CRACD: variants seen among roughly 807,000 people sequenced by gnomAD.
CRACD encodes the protein capping protein-inhibiting regulator of actin dynamics.
A neutral mutation model predicts 106.8 loss-of-function variants in CRACD; 56 were observed. That is an observed-to-expected ratio of 0.52 (90% CI 0.42 to 0.66). The LOEUF is 0.66. Ranked by LOEUF, CRACD falls within the 30% of genes least tolerant of loss-of-function variation. CRACD has a pLI of 0.00. For missense variants in CRACD, 1,730 were observed against 1,623.2 expected (o/e 1.07, Z -1.13); for synonymous variants, 754 against 670.8 (o/e 1.12, Z -1.92).
chr4:56,074,816 G>GTGGGTT (rs1732781817), intron 1 of CRACD, among the ~76,000 whole-genome samples: 2 of 152,156 alleles, frequency 1.3e-5, no homozygotes. Flanking sequence ...GATATTGGTT[G>GTGGGTT]TGGGTTTGTC....
chr4:56,265,585 C>CTGAA (rs1418630860), intron 2 of CRACD, among the ~76,000 whole-genome samples: 10 of 152,154 alleles, frequency 6.6e-5, no homozygotes, highest in South Asian at 2.1e-4. Context: ...GCATCTGAGG[C>CTGAA]TGAAATTCCA....
intron 4 of CRACD, chr4:56,301,387 A>C (rs1744358493): frequency 5.2e-6 from 2 of 387,000 alleles, no homozygotes; most frequent in Non-Finnish European, 9.5e-6. Context: ...GGAATGAGAG[A>C]ATTTAGTTGT....
At chr4:56,214,683 A>C (rs538604267) in intron 2 of CRACD, among the ~76,000 whole-genome samples, 517 of 49,054 alleles carry the variant, frequency 0.011, 10 homozygotes, top group Middle Eastern at 0.022. Flanking sequence ...CTCTCTCTCT[A>C]TATATATATA....
chr4:56,062,082 T>C (rs946695466), intron 1 of CRACD, among the ~76,000 whole-genome samples: 1 of 152,258 alleles, frequency 6.6e-6, no homozygotes, highest in African/African-American at 2.4e-5. Context: ...CTACTTCTTT[T>C]TTCTCAGCAC....
At chr4:56,323,353 C>A (rs1012533270) in intron 8 of CRACD, 24 bp from the exon 9 acceptor site, 1 of 1,578,342 alleles carries the variant, frequency 6.3e-7, no homozygotes, top group Non-Finnish European at 8.6e-7. Context: ...CATTGCAAAC[C>A]GTTCTTTGTC....
intron 10 of CRACD, 143 bp downstream of exon 10, chr4:56,324,409 T>A: frequency 2.8e-6 from 2 of 725,928 alleles, no homozygotes. Context: ...TTCATAAACG[T>A]TGACACTGAT....
At chr4:56,208,277 C>T (rs1386777245) in intron 2 of CRACD, among the ~76,000 whole-genome samples, 2 of 152,076 alleles carry the variant, frequency 1.3e-5, no homozygotes, top group African/African-American at 4.8e-5. Context: ...ATTACAAACC[C>T]AAGGTTCAAG....
At chr4:56,064,790 G>C (rs986724048) in intron 1 of CRACD, among the ~76,000 whole-genome samples, 1 of 151,932 alleles carries the variant, frequency 6.6e-6, no homozygotes, top group Non-Finnish European at 1.5e-5. Context: ...CTAATTCTTT[G>C]TTTCATTCAT....
chr4:56,249,219 C>T (rs1740896935), intron 2 of CRACD, among the ~76,000 whole-genome samples: 2 of 149,266 alleles, frequency 1.3e-5, no homozygotes, highest in Admixed American at 1.3e-4. Flanking sequence ...TATTTCTCCA[C>T]ATCCTCTCCA....
intron 2 of CRACD, among the ~76,000 whole-genome samples, chr4:56,219,687 G>A (rs1263570247): frequency 6.6e-6 from 1 of 152,178 alleles, no homozygotes; most frequent in Non-Finnish European, 1.5e-5. Context: ...TCCTGGTCAA[G>A]GTTATGCAAC....
At chr4:56,199,537 C>A (rs59022767) in intron 2 of CRACD, among the ~76,000 whole-genome samples, 43,289 of 151,528 alleles carry the variant, frequency 0.29, 6,477 homozygotes, top group Middle Eastern at 0.36. Context: ...CAAAAATTAG[C>A]GGGGTGTTGA....
At chr4:56,113,080 G>A (rs1734172504) in intron 1 of CRACD, among the ~76,000 whole-genome samples, 1 of 152,076 alleles carries the variant, frequency 6.6e-6, no homozygotes, top group African/African-American at 2.4e-5. Context: ...GAGGTCAGTG[G>A]CATCTTAATA....
intron 4 of CRACD, among the ~76,000 whole-genome samples, chr4:56,304,185 A>G (rs1311215389): frequency 1.3e-5 from 2 of 151,592 alleles, no homozygotes; most frequent in Non-Finnish European, 2.9e-5. Context: ...CTTCTTGCCT[A>G]TGCATTTTCT....
At chr4:56,313,047 A>G (rs1165293698) in intron 6 of CRACD, 150 bp from the exon 7 acceptor site, 1 of 687,746 alleles carries the variant, frequency 1.5e-6, no homozygotes, top group African/African-American at 1.8e-5. Context: ...ACGGGTGTTC[A>G]TTTCATTTTC....
intron 5 of CRACD, chr4:56,308,976 C>A: frequency 8.8e-7 from 1 of 1,133,772 alleles, no homozygotes; most frequent in Middle Eastern, 2.4e-4. Context: ...TACAAGGGGC[C>A]CCCCATCTCT....
At chr4:56,061,182 T>C (rs1443062976) in intron 1 of CRACD, among the ~76,000 whole-genome samples, 3 of 152,150 alleles carry the variant, frequency 2.0e-5, no homozygotes, top group African/African-American at 7.2e-5. Flanking sequence ...TCACTCTCTC[T>C]TTTTTTGAGG....
At chr4:56,063,068 A>G (rs940888658) in intron 1 of CRACD, among the ~76,000 whole-genome samples, 27 of 72,448 alleles carry the variant, frequency 3.7e-4, no homozygotes, top group African/African-American at 2.5e-3. Context: ...AGGAAGGAAG[A>G]AAGGAAAGGA....
At chr4:56,327,594 T>C in intron 10 of CRACD, 50 bp from the exon 11 acceptor site, 1 of 1,532,408 alleles carries the variant, frequency 6.5e-7, no homozygotes, top group Non-Finnish European at 8.9e-7. Context: ...AGAAAATTTG[T>C]AGTGTGGCTG....
At chr4:56,081,900 C>T (rs1241240674) in intron 1 of CRACD, among the ~76,000 whole-genome samples, 3 of 151,900 alleles carry the variant, frequency 2.0e-5, no homozygotes, top group Admixed American at 6.6e-5. Flanking sequence ...TGCTTGGACC[C>T]GGGAGGCAAA....
Sources: gnomAD v4.1 joint callset for allele counts (sites outside exome capture counted in the v4.1 genomes callset) on GRCh38, gnomAD v4.1.1 for gene constraint, MANE v1.5 for transcripts, NCBI Gene and HGNC (gene_info 2026-07-23, HGNC 2026-07-21) for gene names.